The following RSPO2 variants were observed in gnomAD, a reference collection of about 807,000 sequenced individuals.
RSPO2 encodes the protein R-spondin-2.
In RSPO2, 14 loss-of-function variants were observed where a neutral mutation model predicts 30.9. The ratio of observed to expected loss-of-function variants is 0.45; its 90% CI spans 0.30 to 0.71. The LOEUF is 0.71. Ranked by LOEUF, RSPO2 falls within the 30% of genes least tolerant of loss-of-function variation. The probability of loss-of-function intolerance (pLI) is 0.08; values close to 1 mark genes in which losing one functional copy is unlikely to be tolerated. For synonymous variants in RSPO2, 107 were observed against 96.4 expected, an observed-to-expected ratio of 1.11 and a Z score of -0.64; for missense variants, 264 against 301.9, an observed-to-expected ratio of 0.87 and a Z score of 0.93.
At chr8:107,934,159 T>C (rs896164320) in intron 5 of RSPO2, among the ~76,000 whole-genome samples, 1 of 152,220 alleles carries the variant, frequency 6.6e-6, no homozygotes, top group African/African-American at 2.4e-5. Context: ...CTCATGCTGG[T>C]AGCATAATAA....
At chr8:107,936,212 C>A (rs938449298) in intron 5 of RSPO2, among the ~76,000 whole-genome samples, 4 of 152,012 alleles carry the variant, frequency 2.6e-5, no homozygotes, top group African/African-American at 9.7e-5. Flanking sequence ...TCTTTCTGTG[C>A]CTGGCTTATT....
chr8:108,044,408 A>G (rs898972788), intron 2 of RSPO2, among the ~76,000 whole-genome samples: 5 of 152,078 alleles, frequency 3.3e-5, no homozygotes, highest in African/African-American at 1.2e-4. Context: ...TCAGAGTCCC[A>G]TCTTCATTTC....
At chr8:107,926,361 C>T (rs1812370747) in intron 5 of RSPO2, among the ~76,000 whole-genome samples, 1 of 152,042 alleles carries the variant, frequency 6.6e-6, no homozygotes. Flanking sequence ...TGCCTGTTCA[C>T]TCTGATGGTA....
rs1408279410 is a variant in RSPO2 at position 107,901,056 on chromosome 8, A to C, written c.*19T>G. The C allele has an allele frequency of 2.5e-6, 4 of 1,609,496 alleles. No homozygotes were observed. Among genetic ancestry groups the C allele is most frequent in the South Asian group, 1.1e-5 (1 of 90,010 alleles). ...TTTGCAAAAACAAAAACCCCTAAAA[A>C]TCTACCGGATCTCTTGTTTTATTGG... On this transcript the variant is annotated 3_prime_UTR_variant, in exon 6 of 6. Transcript: ENST00000276659.
At chr8:108,020,909 C>A (rs957670979) in intron 2 of RSPO2, among the ~76,000 whole-genome samples, 1 of 152,158 alleles carries the variant, frequency 6.6e-6, no homozygotes, top group African/African-American at 2.4e-5. Flanking sequence ...AAGATATCAC[C>A]TCCTATACAT....
intron 2 of RSPO2, among the ~76,000 whole-genome samples, chr8:108,041,755 G>A (rs1347087548): frequency 6.6e-6 from 1 of 152,040 alleles, no homozygotes; most frequent in Non-Finnish European, 1.5e-5. Flanking sequence ...ATGCAATAAA[G>A]AGTCCAAAAC....
chr8:108,051,814 A>C (rs13261128), intron 2 of RSPO2, among the ~76,000 whole-genome samples: 7,792 of 152,224 alleles, frequency 0.051, 432 homozygotes, highest in African/African-American at 0.13. Context: ...TGAAGTCTGC[A>C]CTTTCAATTA....
At chr8:108,066,088 A>T (rs1217266145) in intron 2 of RSPO2, among the ~76,000 whole-genome samples, 1 of 152,022 alleles carries the variant, frequency 6.6e-6, no homozygotes, top group Non-Finnish European at 1.5e-5. Flanking sequence ...GAGTGCACAG[A>T]AACAGACAAG....
rs146081819 is a variant in RSPO2, at chr8:107,923,509, C to T, written c.617-22319G>A. Among the ~76,000 whole-genome samples, 841 of 152,122 alleles carry T rather than the reference C, an allele frequency of 5.5e-3. 3 individuals are homozygous for T. Among genetic ancestry groups the T allele is most frequent in the Non-Finnish European group, 8.0e-3 (547 of 67,952 alleles). ...TCAATCATTGTGGAAAGCAGTGTAA[C>T]GATTCCTCAAAGAGCTAAAAACAAA... On this transcript the variant is annotated intron_variant, in intron 5 of 5. Coordinates refer to ENST00000276659, the MANE Select transcript of RSPO2 (RefSeq NM_178565.5).
intron 2 of RSPO2, among the ~76,000 whole-genome samples, chr8:108,029,011 A>G (rs144141712): frequency 7.6e-6 from 1 of 130,750 alleles, no homozygotes; most frequent in Non-Finnish European, 1.6e-5. Context: ...TAGTGCTGGT[A>G]CTTACTAGAG....
chr8:108,038,885 G>A (rs890468184), intron 2 of RSPO2, among the ~76,000 whole-genome samples: 1 of 152,042 alleles, frequency 6.6e-6, no homozygotes, highest in African/African-American at 2.4e-5. Context: ...CCAAAAATTT[G>A]TGTGACTCAC....
chr8:108,047,058 G>A (rs72682220), intron 2 of RSPO2, among the ~76,000 whole-genome samples: 4,562 of 152,298 alleles, frequency 0.03, 103 homozygotes, highest in Non-Finnish European at 0.048. Flanking sequence ...AAAGTAGCAC[G>A]TAGAGGCATG....
intron 2 of RSPO2, among the ~76,000 whole-genome samples, chr8:108,062,242 C>A (rs1812493333): frequency 6.6e-6 from 1 of 151,800 alleles, no homozygotes; most frequent in Non-Finnish European, 1.5e-5. Flanking sequence ...ATCAATGAAT[C>A]CAGGAACTGG....
intron 2 of RSPO2, among the ~76,000 whole-genome samples, chr8:108,003,243 ATGTATGTATGTGTGTGTGTG>A (rs1359710538): frequency 3.7e-5 from 2 of 54,398 alleles, no homozygotes; most frequent in African/African-American, 2.2e-4. Flanking sequence ...GTATATATGT[ATGTATGTATGTGTGTGTGTG>A]TGTGTGTGTG....
intron 2 of RSPO2, among the ~76,000 whole-genome samples, chr8:108,056,396 A>T (rs7841949): frequency 0.21 from 32,532 of 151,748 alleles, 3,683 homozygotes; most frequent in East Asian, 0.42. Flanking sequence ...AAGCAGGCAG[A>T]TCGCTTGAGC....
intron 5 of RSPO2, among the ~76,000 whole-genome samples, chr8:107,950,360 C>T (rs1303414570): frequency 2.6e-5 from 4 of 152,096 alleles, no homozygotes; most frequent in African/African-American, 9.7e-5. Flanking sequence ...TGGTAGCAAA[C>T]CTAAAGTCAA....
chr8:107,922,927 A>C (rs1391434488), intron 5 of RSPO2, among the ~76,000 whole-genome samples: 1 of 152,182 alleles, frequency 6.6e-6, no homozygotes, highest in Non-Finnish European at 1.5e-5. Flanking sequence ...ATAAAAAATC[A>C]ACTCAAGATA....
chr8:108,082,830 A>G, intron 1 of RSPO2, 23 bp from the exon 2 acceptor site: 1 of 569,710 alleles, frequency 1.8e-6, no homozygotes, highest in Non-Finnish European at 3.1e-6. Flanking sequence ...AAGCGAAAAC[A>G]GGGTGTGTGG....
intron 2 of RSPO2, among the ~76,000 whole-genome samples, chr8:108,044,591 T>A (rs775394319): frequency 1.8e-4 from 27 of 152,170 alleles, no homozygotes; most frequent in Non-Finnish European, 3.5e-4. Flanking sequence ...ATGTACCATA[T>A]TTTCTTTATT....
Sources: allele counts gnomAD v4.1 joint callset (sites outside exome capture counted in the v4.1 genomes callset), GRCh38; gene constraint gnomAD v4.1.1; transcripts MANE v1.5; gene names NCBI Gene and HGNC (gene_info 2026-07-23, HGNC 2026-07-21).